NFIA: variants seen among roughly 807,000 people sequenced by gnomAD.
The protein encoded by NFIA is nuclear factor I A.
NFIA carries 8 observed loss-of-function variants against 62.8 expected under a neutral mutation model. The ratio of observed to expected loss-of-function variants is 0.13; its 90% CI spans 0.07 to 0.23. The LOEUF is 0.23. NFIA is among the 10% of genes least tolerant of loss of function. The probability of loss-of-function intolerance (pLI) is 1.00; values close to 1 mark genes in which losing one functional copy is unlikely to be tolerated. For synonymous variants in NFIA, 235 were observed against 238.1 expected, an observed-to-expected ratio of 0.99 and a Z score of 0.12; for missense variants, 410 against 642.1, an observed-to-expected ratio of 0.64 and a Z score of 3.91.
intron 2 of NFIA, among the ~76,000 whole-genome samples, chr1:61,185,503 T>A (rs1394247793): frequency 6.6e-6 from 1 of 152,224 alleles, no homozygotes; most frequent in Non-Finnish European, 1.5e-5. Flanking sequence ...AGTTAGTTAG[T>A]TTATATCACT....
intron 1 of NFIA, among the ~76,000 whole-genome samples, chr1:61,083,072 T>C (rs1646145778): frequency 6.6e-6 from 1 of 152,074 alleles, no homozygotes. Context: ...TGTGGGCACA[T>C]GGCTAATGGC....
rs71244590 is a variant in NFIA at position 61,225,553 on chromosome 1, C to CTTT, written c.560-51950_560-51948dup. Among the ~76,000 whole-genome samples, 519 of 122,542 alleles carry CTTT rather than the reference C, an allele frequency of 4.2e-3. 9 individuals carry two copies. Among genetic ancestry groups the CTTT allele is most frequent in the Admixed American group, 0.018 (214 of 11,906 alleles). The allele number at this position is 122,542 out of a possible 152,430, so 80.4% of individuals were successfully genotyped here. A position where few individuals can be genotyped will look rare whatever the true frequency, so the allele number is the denominator to read the frequency against. ...TGTGAGCCATCGCGCCCAGCTCGTA[C>CTTT]TTTTTTTTTTTTTTTTTTTGCATGT... On this transcript the variant is annotated intron_variant, in intron 2 of 10. Transcript: ENST00000403491.
At chr1:61,413,615 C>CTTTTTTTTT (rs869258274) in intron 9 of NFIA, among the ~76,000 whole-genome samples, 4 of 68,390 alleles carry the variant, frequency 5.8e-5, no homozygotes, top group Non-Finnish European at 1.0e-4. Flanking sequence ...AAGTATTTTG[C>CTTTTTTTTT]TTTTTTTTTT....
Position 61,330,443 on chromosome 1 carries a change from C to CCCACACA in NFIA, c.626-2068_626-2067insCACACAC, listed in dbSNP as rs554691317. 7.6e-3 allele frequency among the ~76,000 whole-genome samples: 692 copies of CCCACACA among 90,736 alleles called. 28 individuals are homozygous for CCCACACA. The highest frequency in any genetic ancestry group is 0.021 in the African/African-American group (657 of 31,658). 59.5% of individuals were successfully genotyped at this position (90,736 alleles called of 152,430 possible). On this transcript the variant is annotated intron_variant, in intron 3 of 10. Transcript: ENST00000403491. ...AACTTAGGAAATAGATACACCCCCCCCACACACACACACACACGCACACAT... is the reference window on the plus strand; with the variant it reads ...AACTTAGGAAATAGATACACCCCCCCCCACACACACACACACACACACACGCACACAT...
intron 2 of NFIA, among the ~76,000 whole-genome samples, chr1:61,208,379 G>A (rs1032403663): frequency 6.6e-6 from 1 of 152,124 alleles, no homozygotes; most frequent in African/African-American, 2.4e-5. Flanking sequence ...AATATGTAGT[G>A]TTTTAAGAGC....
chr1:61,413,214 G>A (rs1329931050), intron 9 of NFIA, among the ~76,000 whole-genome samples: 1 of 151,858 alleles, frequency 6.6e-6, no homozygotes, highest in Admixed American at 6.6e-5. Context: ...TTATATCTTT[G>A]ATGAATCTTG....
chr1:61,322,237 C>T (rs900073179), intron 3 of NFIA, among the ~76,000 whole-genome samples: 1 of 152,088 alleles, frequency 6.6e-6, no homozygotes, highest in Admixed American at 6.5e-5. Context: ...AGTTGTGACA[C>T]GTTAGATTCA....
chr1:61,310,375 G>A (rs1485425463), intron 3 of NFIA, among the ~76,000 whole-genome samples: 2 of 152,166 alleles, frequency 1.3e-5, no homozygotes, highest in South Asian at 2.1e-4. Flanking sequence ...GAACTCTTCA[G>A]CACTTTACCC....
intron 2 of NFIA, among the ~76,000 whole-genome samples, chr1:61,115,226 C>T (rs762087676): frequency 6.6e-6 from 1 of 152,142 alleles, no homozygotes; most frequent in Non-Finnish European, 1.5e-5. Context: ...GGTGATCCAC[C>T]CACTTCAGCC....
rs1211142966 is a variant in NFIA, at chr1:61,455,845, T to TG, written c.*527dup. 1 of 154,952 alleles carries TG rather than the reference T, an allele frequency of 6.5e-6. No homozygotes were observed. The highest frequency in any genetic ancestry group is 1.4e-5 in the Non-Finnish European group (1 of 69,712). The allele number at this position is 154,952 out of a possible 1,614,324, so 9.6% of individuals were successfully genotyped here. ...AGGGCAATGTTTTTCTGTAACATATTGGAAAAAGAAAATGCAGTTATATTC... is the reference window on the plus strand; with the variant it reads ...AGGGCAATGTTTTTCTGTAACATATTGGGAAAAAGAAAATGCAGTTATATTC... On this transcript the variant is annotated 3_prime_UTR_variant, in exon 11 of 11. Transcript: ENST00000403491.
rs144235814 is a variant in NFIA at position 61,412,400 on chromosome 1, C to A, written c.1420+5673C>A. ...AAGAGTTGCTAATGACCTGCACCAA[C>A]GTGGGAGCAATAGGGGTGATGAGAA... On this transcript the variant is annotated intron_variant, in intron 9 of 10. Coordinates refer to ENST00000403491, the MANE Select transcript of NFIA (RefSeq NM_001134673.4). 1.1e-4 allele frequency among the ~76,000 whole-genome samples: 16 copies of A among 152,220 alleles called. No individual in the cohort carries two copies. In the East Asian group the frequency reaches 3.1e-3, roughly 29 times the overall value.
intron 2 of NFIA, among the ~76,000 whole-genome samples, chr1:61,140,582 T>A (rs1249208412): frequency 1.3e-5 from 2 of 151,996 alleles, no homozygotes; most frequent in Non-Finnish European, 2.9e-5. Context: ...ATTCTATTTA[T>A]AAAATAGCCT....
At chr1:61,445,123 A>G (rs1045153512) in intron 10 of NFIA, among the ~76,000 whole-genome samples, 1 of 152,206 alleles carries the variant, frequency 6.6e-6, no homozygotes, top group African/African-American at 2.4e-5. Flanking sequence ...AGAAGTCACT[A>G]CTAAAAAGGT....
At chr1:61,184,108 G>GC (rs1172491083) in intron 2 of NFIA, among the ~76,000 whole-genome samples, 1 of 144,264 alleles carries the variant, frequency 6.9e-6, no homozygotes, top group African/African-American at 2.6e-5. Context: ...AAGGTTTATG[G>GC]GGGGGGGAAA....
intron 4 of NFIA, 53 bp downstream of exon 4, chr1:61,332,639 C>T: frequency 6.6e-7 from 1 of 1,526,542 alleles, no homozygotes; most frequent in South Asian, 1.1e-5. Context: ...TTTGTGCTTA[C>T]TTTCTGCCTA....
chr1:61,250,129 C>T (rs976442595), intron 2 of NFIA: 2 of 152,164 alleles, frequency 1.3e-5, no homozygotes, highest in African/African-American at 4.8e-5. Flanking sequence ...GTCCTCTATG[C>T]TGAAAATGAT....
At chr1:61,121,145 C>T (rs1646880590) in intron 2 of NFIA, among the ~76,000 whole-genome samples, 1 of 152,160 alleles carries the variant, frequency 6.6e-6, no homozygotes, top group African/African-American at 2.4e-5. Context: ...GCAAATGATG[C>T]AATAGCTAAA....
chr1:61,364,728 C>T (rs1019868676), intron 6 of NFIA, among the ~76,000 whole-genome samples: 3 of 152,196 alleles, frequency 2.0e-5, no homozygotes, highest in South Asian at 2.1e-4. Context: ...AGAATCCCAA[C>T]AGTGAATCCT....
intron 10 of NFIA, among the ~76,000 whole-genome samples, chr1:61,436,040 T>C (rs933655958): frequency 5.3e-5 from 8 of 152,156 alleles, no homozygotes; most frequent in Non-Finnish European, 1.2e-4. Flanking sequence ...GCAGAAGTCC[T>C]GGCGTTTTGT....
Sources: gnomAD v4.1 joint callset for allele counts (sites outside exome capture counted in the v4.1 genomes callset) on GRCh38, gnomAD v4.1.1 for gene constraint, MANE v1.5 for transcripts, NCBI Gene and HGNC (gene_info 2026-07-23, HGNC 2026-07-21) for gene names.